The following PCLO variants were observed in gnomAD, a reference collection of about 807,000 sequenced individuals.
PCLO encodes the protein protein piccolo.
Under a neutral mutation model 427.5 loss-of-function variants are expected in PCLO, and 82 were observed. The ratio of observed to expected loss-of-function variants is 0.19; its 90% CI spans 0.16 to 0.23. The LOEUF (loss-of-function observed/expected upper bound fraction) is 0.23, where lower values mean the gene tolerates loss of function less well. PCLO is among the 10% of genes least tolerant of loss of function. PCLO has a pLI of 1.00. For missense variants in PCLO, 6,239 were observed against 6,115.9 expected, an observed-to-expected ratio of 1.02 and a Z score of -0.67; for synonymous variants, 2,357 against 2,155.4, an observed-to-expected ratio of 1.09 and a Z score of -2.59.
chr7:83,045,630 G>A (rs1290727325), intron 3 of PCLO, among the ~76,000 whole-genome samples: 1 of 151,990 alleles, frequency 6.6e-6, no homozygotes, highest in East Asian at 1.9e-4. Context: ...TCAATCTTCA[G>A]ACTGTCTAAT....
intron 22 of PCLO, among the ~76,000 whole-genome samples, chr7:82,763,487 TGAGTA>T (rs1790471396): frequency 6.6e-6 from 1 of 152,052 alleles, no homozygotes; most frequent in South Asian, 2.1e-4. Flanking sequence ...CAAAACACTG[TGAGTA>T]AAGTTGTAAA....
At chr7:82,928,035 C>G (rs566319935) in intron 6 of PCLO, among the ~76,000 whole-genome samples, 1 of 152,178 alleles carries the variant, frequency 6.6e-6, no homozygotes, top group Non-Finnish European at 1.5e-5. Context: ...TCCTCACATG[C>G]ATGGGCTAAT....
chr7:82,954,769 C>G lies in PCLO; in HGVS notation c.6184G>C (p.Asp2062His). 6.2e-7 allele frequency: 1 copy of G among 1,613,784 alleles called. No individual in the cohort carries two copies. The change falls in exon 5 of 25, where the codon GAT becomes CAT. Residue 2062 changes from aspartate (D) to histidine (H), a missense_variant. Around this residue, in one of 5 missense-constraint regions of PCLO, gnomAD observed 4,677 missense variants for 4,468.4 expected, o/e 1.05. Transcript: ENST00000333891. ...TTCATAAGTTCTTCATAGGCAGCAT[C>G]AGCATCTAGTAGTTTCCTTTCTTCT... is the stretch of plus-strand genomic sequence containing the variant. ...TEEERKLLDA[D>H]AAYEELMKRQ...
At chr7:83,026,520 C>A (rs1000465000) in intron 3 of PCLO, among the ~76,000 whole-genome samples, 19 of 151,744 alleles carry the variant, frequency 1.3e-4, no homozygotes, top group Non-Finnish European at 1.9e-4. Context: ...ACTTTAACAC[C>A]CCACTGTCAA....
intron 4 of PCLO, among the ~76,000 whole-genome samples, chr7:82,962,581 TA>T (rs531365542): frequency 2.4e-4 from 36 of 152,052 alleles, no homozygotes; most frequent in Middle Eastern, 3.4e-3. Context: ...AAATTAATAA[TA>T]AAATAGTTTA....
intron 4 of PCLO, among the ~76,000 whole-genome samples, chr7:82,964,030 A>T (rs989806196): frequency 1.3e-5 from 2 of 152,192 alleles, no homozygotes; most frequent in Admixed American, 6.5e-5. Context: ...CATCTGAGTG[A>T]TGGAGTTCAA....
intron 2 of PCLO, among the ~76,000 whole-genome samples, chr7:83,138,800 G>A (rs1407370388): frequency 1.3e-5 from 2 of 151,162 alleles, no homozygotes. Flanking sequence ...ACACAGGGAG[G>A]AGAACATCAC....
At position 82,822,569 on chromosome 7, in the gene PCLO, T is replaced by G. The variant is rs1451137807; in HGVS notation, c.14717A>C (p.Gln4906Pro). 1.2e-6 allele frequency: 2 copies of G among 1,613,842 alleles called. No homozygotes were observed. The highest frequency in any genetic ancestry group is 2.7e-5 in the African/African-American group (2 of 74,928). The change falls in exon 20 of 25, where the codon CAG becomes CCG. Residue 4906 changes from glutamine to proline, a missense_variant. Gln to Pro is a moderately conservative substitution (Grantham distance 76). Coordinates refer to ENST00000333891, the MANE Select transcript of PCLO (RefSeq NM_033026.6). Reference sequence around the variant, plus strand: ...AGCCCCTGCATCTTCCAGGTGGGTCTGAGTGACGCTGGTTTTGCTTTGACT... The same window carrying G: ...AGCCCCTGCATCTTCCAGGTGGGTCGGAGTGACGCTGGTTTTGCTTTGACT... ...SRSQSKTSVT[Q>P]THLEDAGAAI...
intron 3 of PCLO, among the ~76,000 whole-genome samples, chr7:83,003,255 A>G (rs1212111367): frequency 6.6e-6 from 1 of 151,550 alleles, no homozygotes; most frequent in African/African-American, 2.4e-5. Flanking sequence ...ATGTAATATT[A>G]TATACTAATA....
chr7:83,121,453 G>A (rs1262465839), intron 3 of PCLO, among the ~76,000 whole-genome samples: 1 of 151,900 alleles, frequency 6.6e-6, no homozygotes, highest in African/African-American at 2.4e-5. Flanking sequence ...TAAGAAGACA[G>A]AAAAGAAAGA....
Position 82,954,264 on chromosome 7 carries a change from G to T in PCLO, c.6689C>A (p.Thr2230Asn). The change falls in exon 5 of 25, where the codon ACT (threonine) becomes AAT (asparagine). Residue 2230 changes from threonine (T) to asparagine (N), a missense_variant. This residue lies in a region of PCLO where 4,677 missense variants were observed against 4,468.4 expected (regional missense o/e 1.05). Coordinates refer to ENST00000333891, the MANE Select transcript of PCLO (RefSeq NM_033026.6). ...GTCTATAATGCTGCCTGGAAAATAA[G>T]TTGATGAAGAAATTTCCTCAGAATC... ...FEDSEEISSS[T>N]YFPGSIIDYP... The T allele has an allele frequency of 6.2e-7, 1 of 1,613,698 alleles. No homozygotes were observed. The highest frequency in any genetic ancestry group is 1.7e-4 in the Middle Eastern group (1 of 6,058).
intron 6 of PCLO, among the ~76,000 whole-genome samples, chr7:82,921,950 T>A (rs2107825): frequency 0.29 from 43,733 of 151,674 alleles, 7,093 homozygotes; most frequent in East Asian, 0.6. Context: ...CAAAAGACAT[T>A]CACATAGCTA....
chr7:82,782,432 A>C lies in PCLO; in HGVS notation c.15007+19086T>G, dbSNP rs144771810. On this transcript the variant is annotated intron_variant, in intron 22 of 24. Coordinates refer to ENST00000333891, the MANE Select transcript of PCLO (RefSeq NM_033026.6). ...CAAACTACTAATAATTTATTTCATT[A>C]TTTTCATTTATTTTGCTTAAATCAC... 8.2e-4 allele frequency among the ~76,000 whole-genome samples: 125 copies of C among 152,270 alleles called. 1 individual carries two copies. The highest frequency in any genetic ancestry group is 2.9e-3 in the African/African-American group (119 of 41,552).
chr7:83,035,032 A>G (rs1296539775), intron 3 of PCLO, among the ~76,000 whole-genome samples: 1 of 152,196 alleles, frequency 6.6e-6, no homozygotes, highest in East Asian at 1.9e-4. Flanking sequence ...TTCAAAATGT[A>G]TAACTCTTTA....
At chr7:83,131,004 C>T (rs1791558053) in intron 3 of PCLO, among the ~76,000 whole-genome samples, 2 of 152,016 alleles carry the variant, frequency 1.3e-5, no homozygotes, top group Admixed American at 1.3e-4. Flanking sequence ...AATAAATATC[C>T]ATTATGAGTA....
At chr7:83,002,950 A>G (rs2115934362) in intron 3 of PCLO, among the ~76,000 whole-genome samples, 1 of 151,766 alleles carries the variant, frequency 6.6e-6, no homozygotes, top group South Asian at 2.1e-4. Context: ...TGTCTTATGT[A>G]CTGCAAATGT....
At chr7:82,783,517 G>A (rs537487900) in intron 22 of PCLO, among the ~76,000 whole-genome samples, 162 of 152,240 alleles carry the variant, frequency 1.1e-3, no homozygotes, top group Non-Finnish European at 2.1e-3. Flanking sequence ...AGCTACTCAG[G>A]AGGCTGAGGC....
At chr7:83,124,863 TCCTG>T (rs1791387676) in intron 3 of PCLO, among the ~76,000 whole-genome samples, 1 of 152,056 alleles carries the variant, frequency 6.6e-6, no homozygotes, top group Admixed American at 6.5e-5. Context: ...TGCCTGATTC[TCCTG>T]CCTCAGCCTG....
chr7:83,162,278 G>A (rs1792458585), intron 1 of PCLO, 67 bp downstream of exon 1: 2 of 1,489,778 alleles, frequency 1.3e-6, no homozygotes, highest in South Asian at 2.6e-5. Context: ...GGCACATACA[G>A]GCTGGCACAT....
Sources: gnomAD v4.1 joint callset for allele counts (sites outside exome capture counted in the v4.1 genomes callset) on GRCh38, gnomAD v4.1.1 for gene constraint, gnomAD v4.1.1 regional missense constraint, MANE v1.5 for transcripts, NCBI Gene and HGNC (gene_info 2026-07-23, HGNC 2026-07-21) for gene names.